HOXD4: variants seen among roughly 807,000 people sequenced by gnomAD.
HOXD4 encodes the protein homeobox protein Hox-D4.
Under a neutral mutation model 22.6 loss-of-function variants are expected in HOXD4, and 15 were observed. The observed-to-expected ratio is 0.67, with a 90% CI of 0.45 to 1.02. HOXD4 has a LOEUF of 1.02. HOXD4 is among the 50% of genes least tolerant of loss of function. HOXD4 has a pLI of 0.00. For missense variants in HOXD4, 350 were observed against 346.6 expected (o/e 1.01, Z -0.08); for synonymous variants, 176 against 157.0 (o/e 1.12, Z -0.90).
In HOXD4 at chr2:176,152,173, C is replaced by T; in HGVS notation, c.433+107C>T. On this transcript the variant is annotated intron_variant, in intron 1 of 1. Transcript: ENST00000306324. The surrounding 1 kb of genome is among the most constrained non-coding windows in gnomAD (Gnocchi z 5.2). ...GGGGCGTGTGGAGCTTCCATGGGCGCCGCAATTACTCTCCCCATAAATTTT... is the reference window on the plus strand; with the variant it reads ...GGGGCGTGTGGAGCTTCCATGGGCGTCGCAATTACTCTCCCCATAAATTTT... 1 of 926,210 alleles carries T rather than the reference C, an allele frequency of 1.1e-6. No homozygotes were observed. The highest frequency in any genetic ancestry group is 2.6e-5 in the East Asian group (1 of 38,800). 57.4% of individuals were successfully genotyped at this position (926,210 alleles called of 1,614,324 possible).
chr2:176,153,190 A>G lies in HOXD4; in HGVS notation c.*248A>G. The G allele has an allele frequency of 1.9e-6, 1 of 537,454 alleles. No individual in the cohort carries two copies. Among genetic ancestry groups the G allele is most frequent in the Non-Finnish European group, 3.3e-6 (1 of 301,698 alleles). 33.3% of individuals were successfully genotyped at this position (537,454 alleles called of 1,614,324 possible). The stretch of plus-strand genomic sequence containing the variant: ...TTATATGGCAGGAGCTACTGAGAAC[A>G]TAAAATCTTGGCGAGTCATTAAACT... On this transcript the variant is annotated 3_prime_UTR_variant, in exon 2 of 2. Transcript: ENST00000306324.
rs1690573898 is a variant in HOXD4 at position 176,152,942 on chromosome 2, G to A, written c.768G>A (p.Ter256=). 6.2e-7 allele frequency: 1 copy of A among 1,613,924 alleles called. No homozygotes were observed. Among genetic ancestry groups the A allele is most frequent in the Admixed American group, 1.7e-5 (1 of 60,012 alleles). The change falls in exon 2 of 2, where the codon TAG becomes TAA. Residue 256 remains the stop codon, a stop_retained_variant. Transcript: ENST00000306324. This position sits in a 1 kb window ranked among gnomAD's most constrained non-coding sequence, Gnocchi z 5.2. ...KDHHTDLTTL[*] ...ACCACACGGACCTGACGACCTTATA[G>A]AAGTGGGGACCCTGGGCCCATCTCT...
chr2:176,152,138 C>A lies in HOXD4; in HGVS notation c.433+72C>A. On this transcript the variant is annotated intron_variant, in intron 1 of 1. Coordinates refer to ENST00000306324, the MANE Select transcript of HOXD4 (RefSeq NM_014621.3). This position sits in a 1 kb window ranked among gnomAD's most constrained non-coding sequence, Gnocchi z 5.2. ...AGCCTGGGTCCTCTGGAAGGGGGTG[C>A]GAGTAGGTGGGGGCGTGTGGAGCTT... 1 of 1,331,526 alleles carries A rather than the reference C, an allele frequency of 7.5e-7. No homozygotes were observed. The highest frequency in any genetic ancestry group is 1.1e-6 in the Non-Finnish European group (1 of 929,072). The allele number at this position is 1,331,526 out of a possible 1,614,324, so 82.5% of individuals were successfully genotyped here.
chr2:176,151,570 G>C lies in HOXD4; in HGVS notation c.-64G>C. On this transcript the variant is annotated 5_prime_UTR_variant, in exon 1 of 2. Coordinates refer to ENST00000306324, the MANE Select transcript of HOXD4 (RefSeq NM_014621.3). ...TATTCAGTTGACAGCAAGTAGGAGG[G>C]CCCTATGGAAGGAGAAAAAAAGACA... is the stretch of plus-strand genomic sequence containing the variant. The C allele has an allele frequency of 5.0e-6, 7 of 1,404,952 alleles. No homozygotes were observed. Among genetic ancestry groups the C allele is most frequent in the Non-Finnish European group, 7.1e-6 (7 of 992,678 alleles). The allele number at this position is 1,404,952 out of a possible 1,614,324, so 87.0% of individuals were successfully genotyped here.
rs758400794 is a variant in HOXD4, at chr2:176,151,776, C to A, written c.143C>A (p.Pro48His). 68 of 1,612,582 alleles carry A rather than the reference C, an allele frequency of 4.2e-5. 1 individual carries two copies. Among genetic ancestry groups the A allele is most frequent in the South Asian group, 3.8e-4 (35 of 91,056 alleles). Residue 48 changes from proline to histidine, a missense_variant, in exon 1 of 2, where the codon CCC (proline) becomes CAC (histidine). Coordinates refer to ENST00000306324, the MANE Select transcript of HOXD4 (RefSeq NM_014621.3). ...GGGAQGADFQ[P>H]PGLYPRPDFG... is the part of the protein sequence containing the mutation. The stretch of plus-strand genomic sequence containing the variant: ...GGCGCGCAGGGCGCAGACTTCCAGC[C>A]CCCGGGGCTCTACCCACGGCCCGAC...
Position 176,152,599 on chromosome 2 carries a change from G to A in HOXD4, c.434-9G>A. On this transcript the variant is annotated splice_polypyrimidine_tract_variant and intron_variant, in intron 1 of 1. Coordinates refer to ENST00000306324, the MANE Select transcript of HOXD4 (RefSeq NM_014621.3). This position sits in a 1 kb window ranked among gnomAD's most constrained non-coding sequence, Gnocchi z 5.2. ...CTGACCTGCCTGTCCTGTCTGTTTT[G>A]TCTCGCAGTGAACCCCAACTACACC... 1 of 1,612,818 alleles carries A rather than the reference G, an allele frequency of 6.2e-7. No individual in the cohort carries two copies. The highest frequency in any genetic ancestry group is 1.3e-5 in the African/African-American group (1 of 75,026).
chr2:176,152,263 G>A lies in HOXD4; in HGVS notation c.433+197G>A, dbSNP rs1209298858. ...CTCGGCTGTGGGCGCAAAAGGGGGT[G>A]GGGATGGGGGGGTGGGGGAGGACTC... On this transcript the variant is annotated intron_variant, in intron 1 of 1. Coordinates refer to ENST00000306324, the MANE Select transcript of HOXD4 (RefSeq NM_014621.3). This position sits in a 1 kb window ranked among gnomAD's most constrained non-coding sequence, Gnocchi z 5.2. Among the ~76,000 whole-genome samples the A allele has an allele frequency of 6.6e-6, 1 of 150,836 alleles. No individual in the cohort carries two copies. Among genetic ancestry groups the A allele is most frequent in the East Asian group, 2.0e-4 (1 of 5,074 alleles).
In HOXD4 at chr2:176,152,903, G is replaced by C. The variant is rs754775055; in HGVS notation, c.729G>C (p.Pro243=). 1 of 1,614,052 alleles carries C rather than the reference G, an allele frequency of 6.2e-7. No individual in the cohort carries two copies. Among genetic ancestry groups the C allele is most frequent in the Admixed American group, 1.7e-5 (1 of 60,008 alleles). Residue 243 remains proline (P), a synonymous_variant, in exon 2 of 2, where the codon CCG becomes CCC. Coordinates refer to ENST00000306324, the MANE Select transcript of HOXD4 (RefSeq NM_014621.3). The surrounding 1 kb of genome is among the most constrained non-coding windows in gnomAD (Gnocchi z 5.2). ...TCGCCCCCAGCCAGCATTTACAGCC[G>C]ATGGCCAAAGACCACCACACGGACC... ...SSVAPSQHLQ[P]MAKDHHTDLT... is the part of the protein sequence containing the mutation.
Position 176,152,565 on chromosome 2 carries a change from G to GGCC in HOXD4, c.434-41_434-39dup. On this transcript the variant is annotated intron_variant, in intron 1 of 1. Transcript: ENST00000306324. The surrounding 1 kb of genome is among the most constrained non-coding windows in gnomAD (Gnocchi z 5.2). ...GGCGGAGGCGAGGGGCCTAACTAGT[G>GGCC]GCCGGGCGCTGACCTGCCTGTCCTG... The GGCC allele has an allele frequency of 1.3e-6, 2 of 1,539,312 alleles. No homozygotes were observed. Among genetic ancestry groups the GGCC allele is most frequent in the Non-Finnish European group, 1.8e-6 (2 of 1,113,906 alleles).
At position 176,152,343 on chromosome 2, in the gene HOXD4, G is replaced by T. The variant is rs1279724728; in HGVS notation, c.434-265G>T. ...GGAGCGGGGGATTTCCAAAATGCTT[G>T]AGGGTTCCGGACCTGGTGGTGGGCC... On this transcript the variant is annotated intron_variant, in intron 1 of 1. Coordinates refer to ENST00000306324, the MANE Select transcript of HOXD4 (RefSeq NM_014621.3). This position sits in a 1 kb window ranked among gnomAD's most constrained non-coding sequence, Gnocchi z 5.2. Among the ~76,000 whole-genome samples the T allele has an allele frequency of 1.3e-5, 2 of 152,076 alleles. No homozygotes were observed. Among genetic ancestry groups the T allele is most frequent in the African/African-American group, 4.8e-5 (2 of 41,404 alleles).
In HOXD4 at chr2:176,152,111, T is replaced by C. The variant is rs1448214799; in HGVS notation, c.433+45T>C. On this transcript the variant is annotated intron_variant, in intron 1 of 1. Coordinates refer to ENST00000306324, the MANE Select transcript of HOXD4 (RefSeq NM_014621.3). The surrounding 1 kb of genome is among the most constrained non-coding windows in gnomAD (Gnocchi z 5.2). ...ACCTTTCTGTCCACATCCCAGCCCG[T>C]TAGCCTGGGTCCTCTGGAAGGGGGT... 6.5e-7 allele frequency: 1 copy of C among 1,537,532 alleles called. No individual in the cohort carries two copies.
chr2:176,151,756 G>A lies in HOXD4; in HGVS notation c.123G>A (p.Ala41=). 1 of 1,612,872 alleles carries A rather than the reference G, an allele frequency of 6.2e-7. No individual in the cohort carries two copies. Among genetic ancestry groups the A allele is most frequent in the Non-Finnish European group, 8.5e-7 (1 of 1,179,872 alleles). Residue 41 remains alanine (A), a synonymous_variant, in exon 1 of 2, where the codon GCG becomes GCA. Transcript: ENST00000306324. ...EQGADYYGGG[A]QGADFQPPGL... is the part of the protein sequence containing the mutation. Reference sequence around the variant, plus strand: ...GCGCCGACTACTACGGCGGCGGCGCGCAGGGCGCAGACTTCCAGCCCCCGG... The same window carrying A: ...GCGCCGACTACTACGGCGGCGGCGCACAGGGCGCAGACTTCCAGCCCCCGG...
chr2:176,151,982 G>C lies in HOXD4; in HGVS notation c.349G>C (p.Asp117His), dbSNP rs780087690. Residue 117 changes from aspartate (D) to histidine (H), a missense_variant, in exon 1 of 2, where the codon GAC becomes CAC. By Grantham distance (81) the Asp-to-His change is moderately conservative. Transcript: ENST00000306324. ...LPGARAYSQS[D>H]PKQPPSGTAL... ...TGGCGCCCGGGCCTACAGTCAGTCCGACCCCAAGCAGCCGCCCTCCGGGAC... is the reference window on the plus strand; with the variant it reads ...TGGCGCCCGGGCCTACAGTCAGTCCCACCCCAAGCAGCCGCCCTCCGGGAC... The C allele has an allele frequency of 1.2e-6, 2 of 1,613,232 alleles. No homozygotes were observed. Among genetic ancestry groups the C allele is most frequent in the Non-Finnish European group, 1.7e-6 (2 of 1,179,764 alleles).
chr2:176,152,459 A>G lies in HOXD4; in HGVS notation c.434-149A>G. 4.4e-6 allele frequency: 3 copies of G among 677,916 alleles called. No homozygotes were observed. In the East Asian group the frequency reaches 8.5e-5, roughly 19 times the overall value. The allele number at this position is 677,916 out of a possible 1,614,324, so 42.0% of individuals were successfully genotyped here. A position where few individuals can be genotyped will look rare whatever the true frequency, so the allele number is the denominator to read the frequency against. ...GTGGGAGTGAGCGTGTGCGCCGGGG[A>G]GAGGGCGGGAGGGAGGAAGCAAGCG... On this transcript the variant is annotated intron_variant, in intron 1 of 1. Coordinates refer to ENST00000306324, the MANE Select transcript of HOXD4 (RefSeq NM_014621.3). This position sits in a 1 kb window ranked among gnomAD's most constrained non-coding sequence, Gnocchi z 5.2.
chr2:176,153,135 A>AG lies in HOXD4; in HGVS notation c.*200dup, dbSNP rs562064201. 83 of 345,884 alleles carry AG rather than the reference A, an allele frequency of 2.4e-4. 2 individuals are homozygous for AG. Among genetic ancestry groups the AG allele is most frequent in the East Asian group, 1.8e-3 (23 of 12,494 alleles). 21.4% of individuals were successfully genotyped at this position (345,884 alleles called of 1,614,324 possible). A position where few individuals can be genotyped will look rare whatever the true frequency, so the allele number is the denominator to read the frequency against. ...CTCCCTAGAGCGGGATGGGGATGGGAGGGGGGGCGGGATTCTCTCTCTAAG... is the reference window on the plus strand; with the variant it reads ...CTCCCTAGAGCGGGATGGGGATGGGAGGGGGGGGCGGGATTCTCTCTCTAAG... On this transcript the variant is annotated 3_prime_UTR_variant, in exon 2 of 2. Coordinates refer to ENST00000306324, the MANE Select transcript of HOXD4 (RefSeq NM_014621.3).
chr2:176,152,704 G>C lies in HOXD4; in HGVS notation c.530G>C (p.Arg177Thr), dbSNP rs139645088. 5 of 1,614,088 alleles carry C rather than the reference G, an allele frequency of 3.1e-6. No individual in the cohort carries two copies. The African/African-American group carries it at 4.0e-5, about 13-fold the overall frequency. Residue 177 changes from arginine to threonine, a missense_variant, in exon 2 of 2, where the codon AGG becomes ACG. Physicochemically the swap from Arg to Thr is moderately conservative, Grantham distance 71. Coordinates refer to ENST00000306324, the MANE Select transcript of HOXD4 (RefSeq NM_014621.3). The surrounding 1 kb of genome is among the most constrained non-coding windows in gnomAD (Gnocchi z 5.2). ...LELEKEFHFN[R>T]YLTRRRRIEI... ...CTGGAAAAAGAATTTCATTTTAACA[G>C]GTATCTGACAAGGCGCCGTCGGATT...
In HOXD4 at chr2:176,153,071, C is replaced by T. The variant is rs1690577287; in HGVS notation, c.*129C>T. On this transcript the variant is annotated 3_prime_UTR_variant, in exon 2 of 2. Transcript: ENST00000306324. Reference sequence around the variant, plus strand: ...GGGTGGACCTGGGACAAGCAGGCCGCCCTCGGACTAGGTTAGCATCCTGCC... The same window carrying T: ...GGGTGGACCTGGGACAAGCAGGCCGTCCTCGGACTAGGTTAGCATCCTGCC... The T allele has an allele frequency of 1.1e-6, 1 of 883,982 alleles. No individual in the cohort carries two copies. Among genetic ancestry groups the T allele is most frequent in the Admixed American group, 2.1e-5 (1 of 48,014 alleles). The allele number at this position is 883,982 out of a possible 1,614,324, so 54.8% of individuals were successfully genotyped here. A position where few individuals can be genotyped will look rare whatever the true frequency, so the allele number is the denominator to read the frequency against.
chr2:176,151,775 C>T lies in HOXD4; in HGVS notation c.142C>T (p.Pro48Ser), dbSNP rs377617802. The T allele has an allele frequency of 9.9e-6, 16 of 1,612,420 alleles. No homozygotes were observed. Among genetic ancestry groups the T allele is most frequent in the East Asian group, 2.2e-5 (1 of 44,862 alleles). Residue 48 changes from proline to serine, a missense_variant, in exon 1 of 2, where the codon CCC (proline) becomes TCC (serine). Coordinates refer to ENST00000306324, the MANE Select transcript of HOXD4 (RefSeq NM_014621.3). ...GGGAQGADFQ[P>S]PGLYPRPDFG... ...CGGCGCGCAGGGCGCAGACTTCCAG[C>T]CCCCGGGGCTCTACCCACGGCCCGA...
rs1414642849 is a variant in HOXD4, at chr2:176,152,493, AGC to A, written c.434-109_434-108del. The A allele has an allele frequency of 2.4e-6, 2 of 842,812 alleles. No individual in the cohort carries two copies. The highest frequency in any genetic ancestry group is 1.4e-5 in the South Asian group (1 of 71,504). 52.2% of individuals were successfully genotyped at this position (842,812 alleles called of 1,614,324 possible). A position where few individuals can be genotyped will look rare whatever the true frequency, so the allele number is the denominator to read the frequency against. On this transcript the variant is annotated intron_variant, in intron 1 of 1. Coordinates refer to ENST00000306324, the MANE Select transcript of HOXD4 (RefSeq NM_014621.3). This position sits in a 1 kb window ranked among gnomAD's most constrained non-coding sequence, Gnocchi z 5.2. ...GAGGGAGGAAGCAAGCGAGCTTGGG[AGC>A]GCGCGGGGAGGGCCGCGGGCCTCGG...
Sources: allele counts gnomAD v4.1 joint callset (sites outside exome capture counted in the v4.1 genomes callset), GRCh38; gene constraint gnomAD v4.1.1; non-coding constraint Gnocchi (gnomAD v3.1); transcripts MANE v1.5; gene names NCBI Gene and HGNC (gene_info 2026-07-23, HGNC 2026-07-21).